Variants in ADGRV1 observed in about 807,000 individuals in gnomAD.
The protein encoded by ADGRV1 is adhesion G protein-coupled receptor V1, also known as G-protein coupled receptor 98.
A neutral mutation model predicts 596.2 loss-of-function variants in ADGRV1; 359 were observed. The observed-to-expected ratio is 0.60, with a 90% CI of 0.55 to 0.66. The LOEUF (loss-of-function observed/expected upper bound fraction) is 0.66, where lower values mean the gene tolerates loss of function less well. ADGRV1 is among the 30% of genes least tolerant of loss of function. The pLI is 0.00. For synonymous variants in ADGRV1, 2,681 were observed against 2,679.2 expected, an observed-to-expected ratio of 1.00 and a Z score of -0.02; for missense variants, 7,274 against 7,575.6, an observed-to-expected ratio of 0.96 and a Z score of 1.48.
intron 21 of ADGRV1, among the ~76,000 whole-genome samples, chr5:90,665,819 G>T (rs561129409): frequency 6.6e-6 from 1 of 151,414 alleles, no homozygotes; most frequent in East Asian, 1.9e-4. Flanking sequence ...TTGTGTCTTC[G>T]TTCTTGTTGG....
At chr5:90,938,321 T>G (rs1359581185) in intron 83 of ADGRV1, among the ~76,000 whole-genome samples, 3 of 152,240 alleles carry the variant, frequency 2.0e-5, no homozygotes, top group African/African-American at 7.2e-5. Flanking sequence ...AAGTTTACTT[T>G]GAATTAACTT....
At chr5:90,627,146 A>T in intron 6 of ADGRV1, 65 bp from the exon 7 acceptor site, 1 of 837,850 alleles carries the variant, frequency 1.2e-6, no homozygotes, top group Non-Finnish European at 1.8e-6. Context: ...GACTTGTTAC[A>T]CTTTAGTTTA....
intron 27 of ADGRV1, among the ~76,000 whole-genome samples, chr5:90,682,920 T>C (rs1745134255): frequency 6.6e-6 from 1 of 152,232 alleles, no homozygotes; most frequent in African/African-American, 2.4e-5. Flanking sequence ...GATGAGTTTG[T>C]TTACATAAAA....
At position 90,613,550 on chromosome 5, in the gene ADGRV1, T is replaced by C. The variant is rs16868841; in HGVS notation, c.23-1285T>C. ...AAGGAAAACTCTTCTTCAGATTTCA[T>C]TGGTCTTCTGGCAGGTTTGCCTGGA... On this transcript the variant is annotated intron_variant, in intron 1 of 89. Coordinates refer to ENST00000405460, the MANE Select transcript of ADGRV1 (RefSeq NM_032119.4). 7.5e-3 allele frequency among the ~76,000 whole-genome samples: 1,147 copies of C among 152,222 alleles called. 16 individuals are homozygous for C. The highest frequency in any genetic ancestry group is 0.025 in the African/African-American group (1,051 of 41,564).
intron 85 of ADGRV1, among the ~76,000 whole-genome samples, chr5:91,071,959 GA>G (rs1287143493): frequency 6.6e-6 from 1 of 152,126 alleles, no homozygotes; most frequent in Non-Finnish European, 1.5e-5. Flanking sequence ...TTACAGGCAT[GA>G]ACCACTGCAC....
chr5:90,841,941 G>A (rs140719215), intron 78 of ADGRV1, among the ~76,000 whole-genome samples: 23 of 152,278 alleles, frequency 1.5e-4, no homozygotes, highest in Non-Finnish European at 2.2e-4. Flanking sequence ...AAAGGGAAGC[G>A]ATTGCTATTT....
At chr5:90,629,697 C>G (rs1171198472) in intron 9 of ADGRV1, 158 bp downstream of exon 9, 1 of 581,534 alleles carries the variant, frequency 1.7e-6, no homozygotes, top group Non-Finnish European at 3.0e-6. Flanking sequence ...GAGATTATGC[C>G]TGCTCCTAAG....
intron 26 of ADGRV1, among the ~76,000 whole-genome samples, chr5:90,679,923 A>G (rs754852670): frequency 1.3e-5 from 2 of 152,158 alleles, no homozygotes; most frequent in Non-Finnish European, 2.9e-5. Flanking sequence ...ATTTCACTTG[A>G]ATGTCATTTA....
chr5:90,726,493 T>C (rs757558068), intron 48 of ADGRV1, among the ~76,000 whole-genome samples: 1 of 152,222 alleles, frequency 6.6e-6, no homozygotes, highest in African/African-American at 2.4e-5. Context: ...TTCCCCGTGC[T>C]CACCAATGAC....
chr5:90,694,556 G>C lies in ADGRV1; in HGVS notation c.7800G>C (p.Glu2600Asp). The stretch of plus-strand genomic sequence containing the variant: ...ATGGCTTATTTGTTGAAGTTCAGGA[G>C]CAGCCCCAAACCTTGGTGGAGCTGA... ...SEDGLFVEVQEQPQTLVELMI... is the reference protein window; with the variant it reads ...SEDGLFVEVQDQPQTLVELMI... Residue 2600 changes from glutamate to aspartate, a missense_variant, in exon 33 of 90, where the codon GAG (glutamate) becomes GAC (aspartate). By Grantham distance (45) the Glu-to-Asp change is conservative. Around this residue, in one of 5 missense-constraint regions of ADGRV1, gnomAD observed 3,643 missense variants for 3,809.2 expected, o/e 0.96. Coordinates refer to ENST00000405460, the MANE Select transcript of ADGRV1 (RefSeq NM_032119.4). The C allele has an allele frequency of 6.2e-7, 1 of 1,613,912 alleles. No homozygotes were observed. The highest frequency in any genetic ancestry group is 8.5e-7 in the Non-Finnish European group (1 of 1,179,822).
intron 27 of ADGRV1, among the ~76,000 whole-genome samples, chr5:90,681,990 C>A (rs966628338): frequency 6.6e-6 from 1 of 152,030 alleles, no homozygotes; most frequent in Non-Finnish European, 1.5e-5. Flanking sequence ...CTTCAGCCTT[C>A]CAAGTAGCTG....
chr5:90,982,171 T>C (rs1780130113), intron 84 of ADGRV1, among the ~76,000 whole-genome samples: 1 of 152,212 alleles, frequency 6.6e-6, no homozygotes, highest in East Asian at 1.9e-4. Context: ...ACTTAATTCA[T>C]TGTTTAATAT....
intron 38 of ADGRV1, among the ~76,000 whole-genome samples, chr5:90,707,886 G>A (rs986111569): frequency 1.3e-5 from 2 of 152,072 alleles, no homozygotes; most frequent in Non-Finnish European, 2.9e-5. Context: ...GCCCTGGGGA[G>A]TGGTAGGGAG....
chr5:90,706,506 T>C (rs1739578718), intron 38 of ADGRV1, 112 bp downstream of exon 38: 11 of 900,056 alleles, frequency 1.2e-5, no homozygotes, highest in African/African-American at 1.7e-5. Flanking sequence ...GTTACATATA[T>C]ATACATGTGC....
chr5:90,986,503 C>T (rs1482664899), intron 85 of ADGRV1, among the ~76,000 whole-genome samples: 3 of 152,074 alleles, frequency 2.0e-5, no homozygotes, highest in Non-Finnish European at 1.5e-5. Context: ...ATCACAGACA[C>T]ATACCCCATA....
At position 91,072,522 on chromosome 5, in the gene ADGRV1, C is replaced by T. The variant is rs562067191; in HGVS notation, c.18228C>T (p.Phe6076=). Reference sequence around the variant, plus strand: ...CTTTGACGTGCCTCGTGGTGGTGTTCGTGGTGTTCATCCATGCCTACCAGG... The same window carrying T: ...CTTTGACGTGCCTCGTGGTGGTGTTTGTGGTGTTCATCCATGCCTACCAGG... ...LVPLTCLVVV[F]VVFIHAYQVK... The change falls in exon 86 of 90, where the codon TTC becomes TTT. Residue 6076 remains phenylalanine, a synonymous_variant. Transcript: ENST00000405460. The T allele has an allele frequency of 1.8e-5, 29 of 1,613,712 alleles. No homozygotes were observed. Among genetic ancestry groups the T allele is most frequent in the Middle Eastern group, 1.7e-4 (1 of 6,060 alleles).
At chr5:90,808,715 C>T (rs893003589) in intron 73 of ADGRV1, among the ~76,000 whole-genome samples, 3 of 152,126 alleles carry the variant, frequency 2.0e-5, no homozygotes, top group African/African-American at 4.8e-5. Context: ...GCCAACATGG[C>T]AAAACCCCAT....
At chr5:91,066,104 C>T (rs61691081) in intron 85 of ADGRV1, among the ~76,000 whole-genome samples, 3,805 of 152,240 alleles carry the variant, frequency 0.025, 162 homozygotes, top group African/African-American at 0.087. Context: ...TCCACATGGC[C>T]GTTGTCTCAT....
At chr5:90,671,764 A>G (rs941541556) in intron 21 of ADGRV1, among the ~76,000 whole-genome samples, 5 of 152,208 alleles carry the variant, frequency 3.3e-5, no homozygotes, top group African/African-American at 7.2e-5. Context: ...ACATAAAAAT[A>G]AAATTGAATT....
Sources: allele counts gnomAD v4.1 joint callset (sites outside exome capture counted in the v4.1 genomes callset), GRCh38; gene constraint gnomAD v4.1.1; regional missense constraint gnomAD v4.1.1; transcripts MANE v1.5; gene names NCBI Gene and HGNC (gene_info 2026-07-23, HGNC 2026-07-21).